Variants in CSMD1 observed in about 807,000 individuals in gnomAD.
The protein encoded by CSMD1 is CUB and Sushi multiple domains 1.
CSMD1 carries 213 observed loss-of-function variants against 417.5 expected under a neutral mutation model. That is an observed-to-expected ratio of 0.51 (90% confidence interval 0.46 to 0.57). The LOEUF is 0.57. Among genes scored for constraint, CSMD1 ranks in the 20% least tolerant of loss-of-function variants. CSMD1 has a pLI of 0.00. For missense variants in CSMD1, 6,923 were observed against 4,529.7 expected, an observed-to-expected ratio of 1.53 and a Z score of -15.17; for synonymous variants, 2,862 against 1,736.8, an observed-to-expected ratio of 1.65 and a Z score of -16.11.
At chr8:3,698,005 A>C (rs1800649437) in intron 7 of CSMD1, among the ~76,000 whole-genome samples, 1 of 152,162 alleles carries the variant, frequency 6.6e-6, no homozygotes, top group African/African-American at 2.4e-5. Flanking sequence ...CCTGTAATCC[A>C]ATCAGGCTAT....
intron 1 of CSMD1, among the ~76,000 whole-genome samples, chr8:4,934,034 A>C (rs1286978739): frequency 1.3e-5 from 2 of 152,066 alleles, no homozygotes; most frequent in Non-Finnish European, 2.9e-5. Context: ...TTTGATGATG[A>C]GATAAATGTG....
At chr8:3,582,885 C>G (rs181925435) in intron 9 of CSMD1, among the ~76,000 whole-genome samples, 1 of 152,170 alleles carries the variant, frequency 6.6e-6, no homozygotes, top group South Asian at 2.1e-4. Context: ...TAAACACATA[C>G]CTTTCCCAGT....
chr8:4,127,358 A>T (rs1313986199), intron 3 of CSMD1, among the ~76,000 whole-genome samples: 1 of 146,800 alleles, frequency 6.8e-6, no homozygotes, highest in African/African-American at 2.5e-5. Context: ...TTCCTTCTTT[A>T]TCCTTCAGCT....
At chr8:4,608,831 G>C (rs2061750) in intron 2 of CSMD1, among the ~76,000 whole-genome samples, 67,859 of 152,012 alleles carry the variant, frequency 0.45, 15,647 homozygotes, top group African/African-American at 0.58. Flanking sequence ...CATATGGGCA[G>C]AAGAAGAGAT....
intron 26 of CSMD1, among the ~76,000 whole-genome samples, chr8:3,263,905 T>C (rs76709650): frequency 1.3e-5 from 2 of 152,232 alleles, no homozygotes; most frequent in Non-Finnish European, 2.9e-5. Flanking sequence ...AAAGTTATTT[T>C]AAAAACACTT....
At chr8:4,573,743 C>T (rs936144140) in intron 2 of CSMD1, among the ~76,000 whole-genome samples, 2 of 152,184 alleles carry the variant, frequency 1.3e-5, no homozygotes, top group African/African-American at 4.8e-5. Flanking sequence ...CCCCCAGGTG[C>T]TCTGTCCCAG....
At chr8:4,420,179 G>C (rs753325092) in intron 2 of CSMD1, 114 bp from the exon 3 acceptor site, 58 of 626,222 alleles carry the variant, frequency 9.3e-5, no homozygotes, top group Non-Finnish European at 1.5e-4. Context: ...TTGAAATATG[G>C]CATTAAACAC....
At chr8:3,095,969 C>G (rs900504846) in intron 47 of CSMD1, among the ~76,000 whole-genome samples, 4 of 152,158 alleles carry the variant, frequency 2.6e-5, no homozygotes, top group Admixed American at 2.6e-4. Flanking sequence ...ACTTGAAAAA[C>G]TCCTGTAGCA....
At chr8:4,143,742 G>T (rs556913030) in intron 3 of CSMD1, among the ~76,000 whole-genome samples, 13 of 151,170 alleles carry the variant, frequency 8.6e-5, no homozygotes, top group Non-Finnish European at 1.6e-4. Context: ...AGCTGTGAAA[G>T]GGGGGATTTA....
At chr8:3,035,699 T>G (rs1235806811) in intron 50 of CSMD1, among the ~76,000 whole-genome samples, 1 of 152,226 alleles carries the variant, frequency 6.6e-6, no homozygotes, top group Non-Finnish European at 1.5e-5. Flanking sequence ...ATATAAACTT[T>G]ATAAATCAAT....
intron 2 of CSMD1, among the ~76,000 whole-genome samples, chr8:4,460,223 A>G (rs1174430530): frequency 2.0e-5 from 3 of 152,222 alleles, no homozygotes; most frequent in African/African-American, 7.2e-5. Context: ...GTGGAAGTTA[A>G]AAAAATTTCT....
At chr8:4,933,242 T>G (rs988592376) in intron 1 of CSMD1, among the ~76,000 whole-genome samples, 2 of 152,152 alleles carry the variant, frequency 1.3e-5, no homozygotes, top group Non-Finnish European at 2.9e-5. Context: ...AAGTATGATA[T>G]GACGGCACTA....
chr8:4,975,942 T>A (rs1235768589), intron 1 of CSMD1, among the ~76,000 whole-genome samples: 1 of 152,220 alleles, frequency 6.6e-6, no homozygotes, highest in East Asian at 1.9e-4. Flanking sequence ...AAAACATAAT[T>A]TTATTTACTA....
At chr8:3,095,501 T>A (rs748939014) in intron 47 of CSMD1, among the ~76,000 whole-genome samples, 1 of 152,192 alleles carries the variant, frequency 6.6e-6, no homozygotes, top group Non-Finnish European at 1.5e-5. Context: ...GTCCTCTGCT[T>A]CTATATACAA....
At chr8:4,194,167 C>G (rs947678932) in intron 3 of CSMD1, among the ~76,000 whole-genome samples, 2 of 152,168 alleles carry the variant, frequency 1.3e-5, no homozygotes, top group Middle Eastern at 3.4e-3. Flanking sequence ...AAAATATTGC[C>G]CTATCAAGTC....
chr8:3,526,914 C>A (rs17066326), intron 10 of CSMD1, among the ~76,000 whole-genome samples: 18,430 of 152,124 alleles, frequency 0.12, 1,230 homozygotes, highest in Middle Eastern at 0.17. Context: ...TTCCTTTCAT[C>A]TAATGGTGTC....
intron 2 of CSMD1, among the ~76,000 whole-genome samples, chr8:4,457,748 G>A (rs1355468653): frequency 6.6e-6 from 1 of 152,152 alleles, no homozygotes; most frequent in Non-Finnish European, 1.5e-5. Context: ...ATGGGATCCA[G>A]CAGCATAGGA....
At position 2,955,761 on chromosome 8, in the gene CSMD1, G is replaced by T; in HGVS notation, c.9822C>A (p.Ala3274=). 1 of 1,613,454 alleles carries T rather than the reference G, an allele frequency of 6.2e-7. No individual in the cohort carries two copies. Among genetic ancestry groups the T allele is most frequent in the Non-Finnish European group, 8.5e-7 (1 of 1,179,634 alleles). Residue 3274 remains alanine (A), a synonymous_variant, in exon 64 of 70, where the codon GCC becomes GCA. Coordinates refer to ENST00000635120, the MANE Select transcript of CSMD1 (RefSeq NM_033225.6). ...SGIQTECIPH[A]CRQPETPAHA... ...GTGCCGGGGTTTCTGGCTGTCTGCA[G>T]GCATGAGCTGAAACAACATTAGGAA...
At chr8:3,851,969 G>A (rs1803941491) in intron 5 of CSMD1, among the ~76,000 whole-genome samples, 1 of 152,106 alleles carries the variant, frequency 6.6e-6, no homozygotes, top group South Asian at 2.1e-4. Flanking sequence ...AGGTTAGAGA[G>A]AATAATTCAT....
Sources: gnomAD v4.1 joint callset for allele counts (sites outside exome capture counted in the v4.1 genomes callset) on GRCh38, gnomAD v4.1.1 for gene constraint, MANE v1.5 for transcripts, NCBI Gene and HGNC (gene_info 2026-07-23, HGNC 2026-07-21) for gene names.